Variants in SPNS2 observed in about 807,000 individuals in gnomAD.
SPNS2 encodes SPNS lysolipid transporter 2, sphingosine-1-phosphate, also known as sphingosine-1-phosphate transporter SPNS2.
A neutral mutation model predicts 57.6 loss-of-function variants in SPNS2; 37 were observed. The ratio of observed to expected loss-of-function variants is 0.64; its 90% confidence interval spans 0.49 to 0.85. The LOEUF is 0.85. SPNS2 is among the 40% of genes least tolerant of loss of function. SPNS2 has a pLI of 0.00. For synonymous variants in SPNS2, 440 were observed against 346.9 expected (o/e 1.27, Z -2.98); for missense variants, 831 against 779.1 (o/e 1.07, Z -0.79).
intron 5 of SPNS2, among the ~76,000 whole-genome samples, chr17:4,531,723 G>A (rs1294051560): frequency 6.6e-6 from 1 of 152,082 alleles, no homozygotes; most frequent in Non-Finnish European, 1.5e-5. Context: ...GTGGCAGGCA[G>A]AGGAACTCCC....
chr17:4,508,762 C>G lies in SPNS2; in HGVS notation c.371-4485C>G, dbSNP rs541512787. ...ATATGTGTCAATATGTGCATTGTCG[C>G]TGTTGTTATTGGTACCATTACTGAG... On this transcript the variant is annotated intron_variant, in intron 1 of 12. Coordinates refer to ENST00000329078, the MANE Select transcript of SPNS2 (RefSeq NM_001124758.3). Among the ~76,000 whole-genome samples the G allele has an allele frequency of 1.4e-3, 206 of 152,330 alleles. 1 individual carries two copies. Among genetic ancestry groups the G allele is most frequent in the African/African-American group, 4.5e-3 (188 of 41,576 alleles).
chr17:4,536,795 C>T lies in SPNS2; in HGVS notation c.1608-105C>T, dbSNP rs758147982. The T allele has an allele frequency of 5.3e-6, 5 of 948,790 alleles. No individual in the cohort carries two copies. In the South Asian group the frequency reaches 6.8e-5, roughly 13 times the overall value. The allele number at this position is 948,790 out of a possible 1,614,324, so 58.8% of individuals were successfully genotyped here. ...CCCTGGGGCTGACGAGGTCCCTGCC[C>T]AGCACCTCCGGTCAGCTGGCCCCCA... On this transcript the variant is annotated intron_variant, in intron 11 of 12. Coordinates refer to ENST00000329078, the MANE Select transcript of SPNS2 (RefSeq NM_001124758.3).
chr17:4,517,239 G>C (rs1316680017), intron 2 of SPNS2, among the ~76,000 whole-genome samples: 2 of 152,146 alleles, frequency 1.3e-5, no homozygotes, highest in Admixed American at 1.3e-4. Context: ...CCCCATAGAG[G>C]CCCCCTCTGT....
intron 2 of SPNS2, among the ~76,000 whole-genome samples, chr17:4,517,126 G>A (rs1029625337): frequency 5.9e-5 from 9 of 152,126 alleles, no homozygotes. Flanking sequence ...AGGCTGCTGG[G>A]TAGTTTTTCT....
rs779811089 is a variant in SPNS2 at position 4,533,847 on chromosome 17, C to T, written c.1338C>T (p.Ile446=). 6 of 1,613,240 alleles carry T rather than the reference C, an allele frequency of 3.7e-6. No homozygotes were observed. The highest frequency in any genetic ancestry group is 1.6e-4 in the Middle Eastern group (1 of 6,062). Residue 446 remains isoleucine (I), a synonymous_variant, in exon 9 of 13, where the codon ATC becomes ATT. Transcript: ENST00000329078. ...CTAACTGGGCCATCACTGCAGACAT[C>T]CTCATGGTGAGCCAGGCAGGCCGAG... The part of the protein sequence containing the change: ...LFSNWAITAD[I]LMYVVIPTRR...
intron 5 of SPNS2, among the ~76,000 whole-genome samples, chr17:4,532,249 A>AC (rs1467568685): frequency 6.6e-6 from 1 of 151,102 alleles, no homozygotes; most frequent in African/African-American, 2.4e-5. Flanking sequence ...CTATCTATCC[A>AC]CCCACTGCTC....
chr17:4,505,364 C>T (rs527509464), intron 1 of SPNS2, among the ~76,000 whole-genome samples: 1 of 152,216 alleles, frequency 6.6e-6, no homozygotes, highest in Non-Finnish European at 1.5e-5. Context: ...GGCCAGGCCC[C>T]TGTGCTGACA....
At position 4,537,521 on chromosome 17, in the gene SPNS2, C is replaced by G. The variant is rs891361021; in HGVS notation, c.*73C>G. ...GGAGGTGTCCTACAGCGTCCGGGAC[C>G]GGCTGGGCTGCCCCAAAGCTTTCTG... On this transcript the variant is annotated 3_prime_UTR_variant, in exon 13 of 13. Transcript: ENST00000329078. 1 of 456,726 alleles carries G rather than the reference C, an allele frequency of 2.2e-6. No homozygotes were observed. The highest frequency in any genetic ancestry group is 2.0e-5 in the African/African-American group (1 of 50,104). The allele number at this position is 456,726 out of a possible 1,614,324, so 28.3% of individuals were successfully genotyped here. A position where few individuals can be genotyped will look rare whatever the true frequency, so the allele number is the denominator to read the frequency against.
At chr17:4,513,170 G>C in intron 1 of SPNS2, 77 bp from the exon 2 acceptor site, 1 of 1,519,932 alleles carries the variant, frequency 6.6e-7, no homozygotes, top group Admixed American at 1.7e-5. Flanking sequence ...CCTGCAAGGC[G>C]GGAAAGAGGC....
At chr17:4,500,989 CG>C (rs1904487877) in intron 1 of SPNS2, among the ~76,000 whole-genome samples, 1 of 152,108 alleles carries the variant, frequency 6.6e-6, no homozygotes, top group South Asian at 2.1e-4. Context: ...ACCATGCTGC[CG>C]GGGACCTGGG....
chr17:4,514,590 G>A (rs1904939404), intron 2 of SPNS2, among the ~76,000 whole-genome samples: 1 of 152,178 alleles, frequency 6.6e-6, no homozygotes, highest in Non-Finnish European at 1.5e-5. Flanking sequence ...CTAGGATGGG[G>A]CAGGGCCGTG....
rs1905427043 is a variant in SPNS2 at position 4,530,700 on chromosome 17, C to T, written c.642C>T (p.Ala214=). 2.5e-6 allele frequency: 4 copies of T among 1,614,064 alleles called. No homozygotes were observed. In the African/African-American group the frequency reaches 5.3e-5, roughly 22 times the overall value. The change falls in exon 4 of 13, where the codon GCC becomes GCT. Residue 214 remains alanine (A), a synonymous_variant. Coordinates refer to ENST00000329078, the MANE Select transcript of SPNS2 (RefSeq NM_001124758.3). ...GIGEASYSTI[A]PTIIGDLFTK... ...GGGAGGCCAGCTACTCCACCATCGC[C>T]CCCACTATCATTGGCGACCTCTTCA...
intron 3 of SPNS2, among the ~76,000 whole-genome samples, chr17:4,526,579 G>A (rs1206945839): frequency 6.6e-6 from 1 of 151,258 alleles, no homozygotes. Flanking sequence ...CTCCAGCCTG[G>A]GTGACAAGAG....
chr17:4,530,785 T>TGAGAGCCG lies in SPNS2; in HGVS notation c.725+7_725+14dup. ...CTACTTCGCCATCCCACTGGGCAGG[T>TGAGAGCCG]GAGAGCCGGAGATGCCAGGGTCTGG... On this transcript the variant is annotated splice_region_variant and intron_variant, in intron 4 of 12. Transcript: ENST00000329078. The TGAGAGCCG allele has an allele frequency of 8.7e-6, 14 of 1,611,616 alleles. No homozygotes were observed. Among genetic ancestry groups the TGAGAGCCG allele is most frequent in the Non-Finnish European group, 1.1e-5 (13 of 1,178,798 alleles).
intron 2 of SPNS2, 138 bp downstream of exon 2, chr17:4,513,450 C>A: frequency 2.4e-6 from 2 of 838,990 alleles, no homozygotes; most frequent in South Asian, 1.6e-5. Context: ...GCATCCCAGT[C>A]TCACTATTGC....
chr17:4,519,675 C>A (rs944515556), intron 2 of SPNS2, among the ~76,000 whole-genome samples: 5 of 152,222 alleles, frequency 3.3e-5, no homozygotes, highest in Non-Finnish European at 7.3e-5. Context: ...AGGGGTGGGG[C>A]TGCCAGTCTG....
intron 9 of SPNS2, among the ~76,000 whole-genome samples, chr17:4,534,142 ACTGAGGTGGCG>A (rs1168911043): frequency 1.3e-5 from 2 of 152,084 alleles, no homozygotes; most frequent in African/African-American, 4.8e-5. Flanking sequence ...CCAGGCTGGC[ACTGAGGTGGCG>A]CTGCCTGCCC....
Position 4,536,310 on chromosome 17 carries a change from G to A in SPNS2, c.1491G>A (p.Glu497=), listed in dbSNP as rs1157989096. ...RQSTKDSPLW[E]FLSLGYALML... ...GCACTAAGGACTCCCCGCTCTGGGA[G>A]TTCCTGAGCCTGGGCTACGCGCTCA... The change falls in exon 11 of 13, where the codon GAG becomes GAA. Residue 497 remains glutamate (E), a synonymous_variant. Transcript: ENST00000329078. 5.0e-6 allele frequency: 8 copies of A among 1,612,670 alleles called. No individual in the cohort carries two copies. The highest frequency in any genetic ancestry group is 6.8e-6 in the Non-Finnish European group (8 of 1,179,970).
rs150454231 is a variant in SPNS2, at chr17:4,510,451, G to A, written c.371-2796G>A. ...GGAAGTCAGGGGAAGGCTTCCTGGA[G>A]GCAGAGGCAAATCCTGGACCTTGAA... is the stretch of plus-strand genomic sequence containing the variant. On this transcript the variant is annotated intron_variant, in intron 1 of 12. Transcript: ENST00000329078. The surrounding 1 kb of genome is among the most constrained non-coding windows in gnomAD (Gnocchi z 4.4). Among the ~76,000 whole-genome samples the A allele has an allele frequency of 1.2e-4, 18 of 152,300 alleles. No homozygotes were observed. The highest frequency in any genetic ancestry group is 3.9e-4 in the African/African-American group (16 of 41,556).
Sources: gnomAD v4.1 joint callset for allele counts (sites outside exome capture counted in the v4.1 genomes callset) on GRCh38, gnomAD v4.1.1 for gene constraint, Gnocchi (gnomAD v3.1) non-coding constraint, MANE v1.5 for transcripts, NCBI Gene and HGNC (gene_info 2026-07-23, HGNC 2026-07-21) for gene names.